The following CNTN4 variants were observed in gnomAD, a reference collection of about 807,000 sequenced individuals.
The protein encoded by CNTN4 is contactin 4, also known as contactin-4.
A neutral mutation model predicts 122.5 loss-of-function variants in CNTN4; 77 were observed. That is an observed-to-expected ratio of 0.63 (90% CI 0.52 to 0.76). CNTN4 has a LOEUF of 0.76. CNTN4 is among the 30% of genes least tolerant of loss of function. The pLI is 0.00. For missense variants in CNTN4, 1,256 were observed against 1,259.1 expected (o/e 1.00, Z 0.04); for synonymous variants, 512 against 447.0 (o/e 1.15, Z -1.83).
rs116341269 is a variant in CNTN4 at position 2,708,625 on chromosome 3, A to G, written c.56-27590A>G. ...CTGATGTCCCACATCATGAATATTC[A>G]AAACCTTAAATCTGGAGACCTTCAT... is the stretch of plus-strand genomic sequence containing the variant. On this transcript the variant is annotated intron_variant, in intron 4 of 24. Coordinates refer to ENST00000418658, the MANE Select transcript of CNTN4 (RefSeq NM_175607.3). 3.6e-3 allele frequency among the ~76,000 whole-genome samples: 544 copies of G among 152,286 alleles called. 6 individuals carry two copies. The highest frequency in any genetic ancestry group is 0.013 in the African/African-American group (521 of 41,556).
At chr3:2,987,114 C>G (rs2125272392) in intron 13 of CNTN4, among the ~76,000 whole-genome samples, 1 of 152,176 alleles carries the variant, frequency 6.6e-6, no homozygotes, top group East Asian at 1.9e-4. Flanking sequence ...GAAATGTGTT[C>G]AAAGCAAGCA....
At chr3:3,007,619 A>G (rs1696786530) in intron 14 of CNTN4, among the ~76,000 whole-genome samples, 1 of 152,208 alleles carries the variant, frequency 6.6e-6, no homozygotes, top group African/African-American at 2.4e-5. Flanking sequence ...TTAGGTGAAT[A>G]AAATGTATGC....
intron 3 of CNTN4, among the ~76,000 whole-genome samples, chr3:2,407,569 G>T (rs2047083591): frequency 6.6e-6 from 1 of 152,146 alleles, no homozygotes; most frequent in Non-Finnish European, 1.5e-5. Context: ...TTTGGGTGTT[G>T]TGTCTGTATT....
intron 3 of CNTN4, among the ~76,000 whole-genome samples, chr3:2,555,143 G>T (rs1054635307): frequency 6.6e-6 from 1 of 152,182 alleles, no homozygotes; most frequent in African/African-American, 2.4e-5. Flanking sequence ...TATATAGATT[G>T]TCATATGCAT....
chr3:2,479,732 C>T (rs2075936026), intron 3 of CNTN4, among the ~76,000 whole-genome samples: 1 of 152,160 alleles, frequency 6.6e-6, no homozygotes. Context: ...TTCCGCTGTT[C>T]TTCATGGCTC....
chr3:2,945,203 C>A (rs756205982), intron 13 of CNTN4, among the ~76,000 whole-genome samples: 1 of 151,928 alleles, frequency 6.6e-6, no homozygotes, highest in Non-Finnish European at 1.5e-5. Context: ...TGTATGGCAC[C>A]CTTATCATAG....
At chr3:3,004,479 G>T (rs1378255534) in intron 14 of CNTN4, among the ~76,000 whole-genome samples, 1 of 152,172 alleles carries the variant, frequency 6.6e-6, no homozygotes, top group Non-Finnish European at 1.5e-5. Flanking sequence ...GACAGAGAAG[G>T]TCTCTGACAG....
At chr3:2,582,952 A>G (rs1382930556) in intron 4 of CNTN4, among the ~76,000 whole-genome samples, 5 of 151,980 alleles carry the variant, frequency 3.3e-5, no homozygotes, top group Non-Finnish European at 7.4e-5. Flanking sequence ...TGAAGAAAGA[A>G]TGATGTCAAA....
chr3:2,445,029 A>C (rs922859010), intron 3 of CNTN4, among the ~76,000 whole-genome samples: 20 of 151,304 alleles, frequency 1.3e-4, no homozygotes, highest in African/African-American at 4.6e-4. Context: ...CTCTCTATCT[A>C]TCTATCTATC....
At chr3:2,540,939 G>A (rs1241495647) in intron 3 of CNTN4, among the ~76,000 whole-genome samples, 4 of 152,114 alleles carry the variant, frequency 2.6e-5, no homozygotes, top group Admixed American at 6.6e-5. Context: ...ATATTGGCGA[G>A]TACAGAAATA....
At chr3:2,773,744 T>C (rs1576736893) in intron 6 of CNTN4, among the ~76,000 whole-genome samples, 1 of 146,290 alleles carries the variant, frequency 6.8e-6, no homozygotes. Flanking sequence ...AATGAAGCCT[T>C]CATCTCAATG....
At chr3:2,539,489 T>C (rs2077946467) in intron 3 of CNTN4, among the ~76,000 whole-genome samples, 1 of 152,080 alleles carries the variant, frequency 6.6e-6, no homozygotes, top group Non-Finnish European at 1.5e-5. Context: ...AATCTCCACT[T>C]ATGATAATAA....
At chr3:2,328,959 C>A (rs944388227) in intron 2 of CNTN4, among the ~76,000 whole-genome samples, 1 of 152,028 alleles carries the variant, frequency 6.6e-6, no homozygotes, top group African/African-American at 2.4e-5. Flanking sequence ...CTAATGTTGT[C>A]TATTTACCAT....
At chr3:2,677,217 AT>A (rs1198754010) in intron 4 of CNTN4, among the ~76,000 whole-genome samples, 2 of 150,238 alleles carry the variant, frequency 1.3e-5, no homozygotes, top group Admixed American at 1.3e-4. Flanking sequence ...ATGTATATAT[AT>A]ATCTATATAG....
rs1440299022 is a variant in CNTN4 at position 2,813,029 on chromosome 3, C to T, written c.359-6457C>T. Among the ~76,000 whole-genome samples the T allele has an allele frequency of 3.9e-5, 6 of 152,130 alleles. 1 individual carries two copies. The highest frequency in any genetic ancestry group is 7.3e-5 in the Non-Finnish European group (5 of 68,028). ...ATGTCAAAAATACGACTTTGAAACT[C>T]AGGTTTTGTAAATTTCGATTTATTT... On this transcript the variant is annotated intron_variant, in intron 6 of 24. Transcript: ENST00000418658.
intron 13 of CNTN4, among the ~76,000 whole-genome samples, chr3:2,942,268 G>A (rs994590810): frequency 2.6e-5 from 4 of 152,072 alleles, no homozygotes; most frequent in African/African-American, 9.7e-5. Context: ...TTAGGGAGTT[G>A]GAATAATGGA....
chr3:2,619,656 C>G (rs1360611122), intron 4 of CNTN4, among the ~76,000 whole-genome samples: 1 of 152,220 alleles, frequency 6.6e-6, no homozygotes, highest in Non-Finnish European at 1.5e-5. Flanking sequence ...GGATATCACA[C>G]AGCACATTTC....
chr3:2,717,010 A>G lies in CNTN4; in HGVS notation c.56-19205A>G, dbSNP rs564733640. Among the ~76,000 whole-genome samples, 15 of 152,334 alleles carry G rather than the reference A, an allele frequency of 9.8e-5. No homozygotes were observed. In the South Asian group the frequency reaches 1.9e-3, roughly 19 times the overall value. ...ATCTATGACATTTGTTTATCCATTC[A>G]TCAGTCAATGGACATTTGAGCTATT... On this transcript the variant is annotated intron_variant, in intron 4 of 24. Transcript: ENST00000418658.
chr3:2,391,980 C>T (rs117998748), intron 3 of CNTN4, among the ~76,000 whole-genome samples: 68 of 152,256 alleles, frequency 4.5e-4, no homozygotes, highest in Middle Eastern at 3.4e-3. Context: ...TTATTCAACT[C>T]ATTTCATTCA....
Sources: gnomAD v4.1 joint callset for allele counts (sites outside exome capture counted in the v4.1 genomes callset) on GRCh38, gnomAD v4.1.1 for gene constraint, MANE v1.5 for transcripts, NCBI Gene and HGNC (gene_info 2026-07-23, HGNC 2026-07-21) for gene names.